GRM7: variants seen among roughly 807,000 people sequenced by gnomAD.
GRM7 encodes the protein glutamate metabotropic receptor 7, also known as metabotropic glutamate receptor 7.
Under a neutral mutation model 84.5 loss-of-function variants are expected in GRM7, and 35 were observed. The ratio of observed to expected loss-of-function variants is 0.41; its 90% CI spans 0.32 to 0.55. The LOEUF (loss-of-function observed/expected upper bound fraction) is 0.55. Among genes scored for constraint, GRM7 ranks in the 20% least tolerant of loss-of-function variants. The probability of loss-of-function intolerance (pLI) is 0.19; values close to 1 mark genes in which losing one functional copy is unlikely to be tolerated. For missense variants in GRM7, 1,003 were observed against 1,194.6 expected (o/e 0.84, Z 2.36); for synonymous variants, 487 against 455.1 (o/e 1.07, Z -0.89).
At chr3:6,925,080 G>A (rs1303671283) in intron 1 of GRM7, among the ~76,000 whole-genome samples, 1 of 152,102 alleles carries the variant, frequency 6.6e-6, no homozygotes, top group Non-Finnish European at 1.5e-5. Context: ...GGAGAATGGA[G>A]TAAAGAAAGA....
intron 7 of GRM7, chr3:7,560,412 C>G (rs1399959033): frequency 6.6e-6 from 1 of 152,012 alleles, no homozygotes; most frequent in Non-Finnish European, 1.5e-5. Flanking sequence ...CTCAGCTCAC[C>G]TTTCTTTCTC....
intron 1 of GRM7, among the ~76,000 whole-genome samples, chr3:7,126,933 AC>A (rs1402403549): frequency 1.3e-5 from 2 of 152,234 alleles, no homozygotes; most frequent in Non-Finnish European, 2.9e-5. Context: ...AACAAGGTGC[AC>A]ACAAATCTAT....
At chr3:7,326,438 TTC>T (rs1371180049) in intron 4 of GRM7, among the ~76,000 whole-genome samples, 1 of 152,114 alleles carries the variant, frequency 6.6e-6, no homozygotes, top group African/African-American at 2.4e-5. Flanking sequence ...GTTAAAAGTG[TTC>T]TCAGGTGGTA....
intron 2 of GRM7, among the ~76,000 whole-genome samples, chr3:7,261,003 T>C (rs1384617407): frequency 1.3e-5 from 2 of 152,218 alleles, no homozygotes; most frequent in African/African-American, 4.8e-5. Flanking sequence ...GCCTTCCCTC[T>C]GAATATCTGC....
chr3:7,388,045 G>A (rs568281059), intron 4 of GRM7, among the ~76,000 whole-genome samples: 12 of 151,832 alleles, frequency 7.9e-5, no homozygotes, highest in South Asian at 2.1e-4. Context: ...TATTGTTTTC[G>A]TGGCCATTAT....
At chr3:7,403,134 T>C (rs199980565) in intron 4 of GRM7, 89 of 446,028 alleles carry the variant, frequency 2.0e-4, no homozygotes, top group Non-Finnish European at 3.2e-5. Context: ...ACAATAATTT[T>C]CTGACAAGTT....
chr3:7,150,599 C>T (rs1039399755), intron 2 of GRM7, among the ~76,000 whole-genome samples: 5 of 152,122 alleles, frequency 3.3e-5, no homozygotes, highest in Admixed American at 6.6e-5. Flanking sequence ...TTTTCTCAGA[C>T]GATGAGGTTT....
At position 7,228,641 on chromosome 3, in the gene GRM7, G is replaced by C. The variant is rs115744368; in HGVS notation, c.737-70043G>C. Among the ~76,000 whole-genome samples, 1,430 of 152,228 alleles carry C rather than the reference G, an allele frequency of 9.4e-3. 16 individuals are homozygous for C. Among genetic ancestry groups the C allele is most frequent in the African/African-American group, 0.026 (1,064 of 41,548 alleles). On this transcript the variant is annotated intron_variant, in intron 2 of 9. Coordinates refer to ENST00000357716, the MANE Select transcript of GRM7 (RefSeq NM_000844.4). ...GAATTCTGGGGTTATCTCTGTGACAGTCCTACTAACAATAAAAGTCTCTTT... is the reference window on the plus strand; with the variant it reads ...GAATTCTGGGGTTATCTCTGTGACACTCCTACTAACAATAAAAGTCTCTTT...
chr3:7,699,801 A>C (rs1701159423), intron 9 of GRM7, among the ~76,000 whole-genome samples: 1 of 152,180 alleles, frequency 6.6e-6, no homozygotes, highest in Non-Finnish European at 1.5e-5. Context: ...TTCTTTAAAA[A>C]AATAACCTGA....
chr3:6,936,072 C>T (rs1697681928), intron 1 of GRM7, among the ~76,000 whole-genome samples: 1 of 152,162 alleles, frequency 6.6e-6, no homozygotes, highest in Admixed American at 6.5e-5. Context: ...GTGTCCAGCT[C>T]ACAAAGCTCG....
intron 7 of GRM7, among the ~76,000 whole-genome samples, chr3:7,515,817 G>A (rs1145137): frequency 0.29 from 44,395 of 151,562 alleles, 6,835 homozygotes; most frequent in Middle Eastern, 0.38. Flanking sequence ...TAAACTAGGG[G>A]ACAATGACTT....
chr3:7,240,686 T>A (rs1420194912), intron 2 of GRM7, among the ~76,000 whole-genome samples: 1 of 152,158 alleles, frequency 6.6e-6, no homozygotes. Flanking sequence ...CTCTACTGAC[T>A]GTCAATCCCT....
intron 2 of GRM7, among the ~76,000 whole-genome samples, chr3:7,287,865 CT>C (rs1260829338): frequency 6.6e-6 from 1 of 152,064 alleles, no homozygotes; most frequent in African/African-American, 2.4e-5. Flanking sequence ...GGAAAAAGAG[CT>C]GCAGATAAAG....
chr3:7,113,369 G>T (rs1446874058), intron 1 of GRM7, among the ~76,000 whole-genome samples: 1 of 152,094 alleles, frequency 6.6e-6, no homozygotes, highest in African/African-American at 2.4e-5. Context: ...CAAATACACA[G>T]CCTCGTTCCT....
chr3:7,549,131 A>C (rs1307346066), intron 7 of GRM7, among the ~76,000 whole-genome samples: 1 of 152,234 alleles, frequency 6.6e-6, no homozygotes, highest in East Asian at 1.9e-4. Flanking sequence ...AGAATTTTAC[A>C]AATGTTATGA....
intron 7 of GRM7, among the ~76,000 whole-genome samples, chr3:7,466,637 A>G (rs1340742758): frequency 2.6e-5 from 4 of 152,246 alleles, no homozygotes; most frequent in Non-Finnish European, 5.9e-5. Context: ...ATATGCCAAA[A>G]TGTCAATTAA....
At chr3:7,596,433 G>A (rs1696047071) in intron 8 of GRM7, among the ~76,000 whole-genome samples, 1 of 152,318 alleles carries the variant, frequency 6.6e-6, no homozygotes, top group Admixed American at 6.5e-5. Context: ...GACTAGATGA[G>A]ATCATGTAGG....
intron 1 of GRM7, among the ~76,000 whole-genome samples, chr3:6,996,903 G>A (rs1279617609): frequency 1.3e-5 from 2 of 152,106 alleles, no homozygotes; most frequent in East Asian, 1.9e-4. Context: ...ACAGAACAAA[G>A]TCTGGAAGGA....
chr3:6,954,419 A>G (rs1405495150), intron 1 of GRM7, among the ~76,000 whole-genome samples: 1 of 152,216 alleles, frequency 6.6e-6, no homozygotes, highest in Non-Finnish European at 1.5e-5. Context: ...AGCTTTCATT[A>G]TGTGCTAGCT....
Sources: gnomAD v4.1 joint callset for allele counts (sites outside exome capture counted in the v4.1 genomes callset) on GRCh38, gnomAD v4.1.1 for gene constraint, MANE v1.5 for transcripts, NCBI Gene and HGNC (gene_info 2026-07-23, HGNC 2026-07-21) for gene names.